The following HADHB variants were observed in gnomAD, a reference collection of about 807,000 sequenced individuals.
HADHB encodes the protein trifunctional enzyme subunit beta, mitochondrial.
In HADHB, 50 loss-of-function variants were observed where a neutral mutation model predicts 61.9. The ratio of observed to expected loss-of-function variants is 0.81; its 90% CI spans 0.64 to 1.02. The LOEUF (loss-of-function observed/expected upper bound fraction) is 1.02, where lower values mean the gene tolerates loss of function less well. HADHB is among the 50% of genes least tolerant of loss of function. The probability of loss-of-function intolerance (pLI) is 0.00; values close to 1 mark genes in which losing one functional copy is unlikely to be tolerated. For missense variants in HADHB, 504 were observed against 586.5 expected (o/e 0.86, Z 1.45); for synonymous variants, 191 against 201.6 (o/e 0.95, Z 0.45).
rs1013686058 is a variant in HADHB, at chr2:26,290,279, G to T, written c.*326G>T. On this transcript the variant is annotated 3_prime_UTR_variant, in exon 16 of 16. Transcript: ENST00000317799. ...CAACTGAGATTTGGAAATCATCTTTGTAATATTTGCAAATTATACTTGTTC... is the reference window on the plus strand; with the variant it reads ...CAACTGAGATTTGGAAATCATCTTTTTAATATTTGCAAATTATACTTGTTC... 6 of 379,160 alleles carry T rather than the reference G, an allele frequency of 1.6e-5. No individual in the cohort carries two copies. In the East Asian group the frequency reaches 1.7e-4, roughly 11 times the overall value. The allele number at this position is 379,160 out of a possible 1,614,324, so 23.5% of individuals were successfully genotyped here. A position where few individuals can be genotyped will look rare whatever the true frequency, so the allele number is the denominator to read the frequency against.
intron 1 of HADHB, among the ~76,000 whole-genome samples, chr2:26,247,779 A>G (rs1671224957): frequency 6.6e-6 from 1 of 152,210 alleles, no homozygotes; most frequent in East Asian, 1.9e-4. Flanking sequence ...TAGAGTATGC[A>G]TGAGGATGTG....
rs568536338 is a variant in HADHB, at chr2:26,251,019, T to C, written c.-8-3228T>C. 2.2e-4 allele frequency among the ~76,000 whole-genome samples: 31 copies of C among 138,756 alleles called. 1 individual carries two copies. The South Asian group carries it at 6.7e-3, about 30-fold the overall frequency. 91.0% of individuals were successfully genotyped at this position (138,756 alleles called of 152,430 possible). On this transcript the variant is annotated intron_variant, in intron 1 of 15. Coordinates refer to ENST00000317799, the MANE Select transcript of HADHB (RefSeq NM_000183.3). ...TTTAGCCATTTTCCCAGTGAATTCA[T>C]GGAATAATTTCTTTCTCTCAGCTAA...
intron 4 of HADHB, among the ~76,000 whole-genome samples, chr2:26,263,908 T>A (rs2147810335): frequency 6.6e-6 from 1 of 152,256 alleles, no homozygotes; most frequent in East Asian, 1.9e-4. Context: ...ATAGGGCTGG[T>A]CCAAACCCCC....
intron 3 of HADHB, among the ~76,000 whole-genome samples, chr2:26,261,959 A>G (rs2147808677): frequency 6.6e-6 from 1 of 151,964 alleles, no homozygotes; most frequent in South Asian, 2.1e-4. Context: ...ACTCATGTTG[A>G]TACTGCCTTT....
chr2:26,272,824 C>T (rs1214054527), intron 5 of HADHB, among the ~76,000 whole-genome samples: 1 of 151,926 alleles, frequency 6.6e-6, no homozygotes, highest in South Asian at 2.1e-4. Flanking sequence ...TGGCTTACAC[C>T]TATAATCCCA....
chr2:26,269,159 A>T (rs565442406), intron 4 of HADHB, among the ~76,000 whole-genome samples: 2 of 151,904 alleles, frequency 1.3e-5, no homozygotes, highest in Non-Finnish European at 2.9e-5. Flanking sequence ...TAAAAAAAAA[A>T]AAAAAACAGC....
chr2:26,284,061 G>A (rs1672912690), intron 12 of HADHB, 56 bp from the exon 13 acceptor site: 1 of 926,084 alleles, frequency 1.1e-6, no homozygotes, highest in Non-Finnish European at 1.8e-6. Context: ...GGAATATGAA[G>A]GAGCTCTTAG....
chr2:26,284,079 A>C, intron 12 of HADHB, 38 bp from the exon 13 acceptor site: 1 of 1,150,108 alleles, frequency 8.7e-7, no homozygotes, highest in Non-Finnish European at 1.3e-6. Context: ...TAGTTTAAAA[A>C]TTAAAGTTTT....
intron 12 of HADHB, among the ~76,000 whole-genome samples, chr2:26,283,427 G>A (rs1372528327): frequency 1.3e-5 from 2 of 152,084 alleles, no homozygotes; most frequent in South Asian, 4.1e-4. Flanking sequence ...GGGAGGTTTT[G>A]GCAAGAGAAT....
intron 1 of HADHB, among the ~76,000 whole-genome samples, chr2:26,253,870 AAAT>A (rs1671503090): frequency 1.4e-5 from 2 of 148,046 alleles, no homozygotes; most frequent in Non-Finnish European, 3.0e-5. Flanking sequence ...ATAAATAAAT[AAAT>A]AAATAAATAA....
intron 1 of HADHB, among the ~76,000 whole-genome samples, chr2:26,251,084 C>T (rs1309425197): frequency 8.6e-6 from 1 of 116,096 alleles, no homozygotes; most frequent in African/African-American, 2.6e-5. Flanking sequence ...TTCTTACATA[C>T]ATGGGTCTGC....
Position 26,254,258 on chromosome 2 carries a change from A to ACTG in HADHB, c.6_7insGCT (p.Thr2_Ile3insAla), listed in dbSNP as rs869300499. 4.7e-6 allele frequency: 6 copies of ACTG among 1,271,036 alleles called. No individual in the cohort carries two copies. The highest frequency in any genetic ancestry group is 4.3e-6 in the Non-Finnish European group (4 of 932,476). 78.7% of individuals were successfully genotyped at this position (1,271,036 alleles called of 1,614,324 possible). A position where few individuals can be genotyped will look rare whatever the true frequency, so the allele number is the denominator to read the frequency against. The stretch of plus-strand genomic sequence containing the variant: ...TCTTCTCTTTTTAGATTCCAGAATG[A>ACTG]CTATCTTGACTTACCCCTTTAAAAA... On this transcript the variant is annotated inframe_insertion, in exon 2 of 16. Coordinates refer to ENST00000317799, the MANE Select transcript of HADHB (RefSeq NM_000183.3).
At chr2:26,248,864 C>T (rs1427178391) in intron 1 of HADHB, among the ~76,000 whole-genome samples, 2 of 152,008 alleles carry the variant, frequency 1.3e-5, no homozygotes, top group Non-Finnish European at 2.9e-5. Context: ...CAAGACCAGC[C>T]TGGCCAACAT....
rs561497347 is a variant in HADHB, at chr2:26,278,912, T to C, written c.630+111T>C. 7.7e-5 allele frequency: 81 copies of C among 1,057,792 alleles called. No individual in the cohort carries two copies. In the South Asian group the frequency reaches 9.5e-4, roughly 12 times the overall value. 65.5% of individuals were successfully genotyped at this position (1,057,792 alleles called of 1,614,324 possible). A position where few individuals can be genotyped will look rare whatever the true frequency, so the allele number is the denominator to read the frequency against. On this transcript the variant is annotated intron_variant, in intron 8 of 15. Transcript: ENST00000317799. ...TAGATTCTGTAGTTACAGGAAAGGG[T>C]TAATTACTTGCTCAAGATGGAAAAA...
chr2:26,254,119 T>C (rs1412395779), intron 1 of HADHB, 128 bp from the exon 2 acceptor site: 3 of 673,768 alleles, frequency 4.5e-6, no homozygotes, highest in Non-Finnish European at 5.4e-6. Flanking sequence ...AGATGAAGAA[T>C]AGTTGATAAG....
At chr2:26,278,996 A>T in intron 8 of HADHB, 139 bp from the exon 9 acceptor site, 1 of 905,880 alleles carries the variant, frequency 1.1e-6, no homozygotes. Context: ...CTCTTTAGAG[A>T]TCCTCTGCTT....
At chr2:26,287,755 C>T (rs866894861) in intron 15 of HADHB, among the ~76,000 whole-genome samples, 1 of 152,160 alleles carries the variant, frequency 6.6e-6, no homozygotes, top group Non-Finnish European at 1.5e-5. Context: ...TCAACTTTGG[C>T]ACTAACATTT....
chr2:26,267,022 T>C (rs1320625001), intron 4 of HADHB, among the ~76,000 whole-genome samples: 2 of 152,120 alleles, frequency 1.3e-5, no homozygotes, highest in African/African-American at 4.8e-5. Context: ...AAACTACTCA[T>C]GGTTCTCCTG....
intron 8 of HADHB, 39 bp downstream of exon 8, chr2:26,278,840 T>A (rs1389668775): frequency 6.5e-7 from 1 of 1,541,494 alleles, no homozygotes; most frequent in Admixed American, 1.7e-5. Context: ...CTGCAGAGAT[T>A]TAGAATTAGG....
Sources: gnomAD v4.1 joint callset for allele counts (sites outside exome capture counted in the v4.1 genomes callset) on GRCh38, gnomAD v4.1.1 for gene constraint, MANE v1.5 for transcripts, NCBI Gene and HGNC (gene_info 2026-07-23, HGNC 2026-07-21) for gene names.